DOCK7: variants seen among roughly 807,000 people sequenced by gnomAD.
DOCK7 encodes the protein dedicator of cytokinesis 7, also known as dedicator of cytokinesis protein 7.
DOCK7 carries 138 observed loss-of-function variants against 271.0 expected under a neutral mutation model. The ratio of observed to expected loss-of-function variants is 0.51; its 90% CI spans 0.44 to 0.59. The LOEUF is 0.59. Ranked by LOEUF, DOCK7 falls within the 20% of genes least tolerant of loss-of-function variation. The pLI is 0.00. For missense variants in DOCK7, 2,066 were observed against 2,592.4 expected (o/e 0.80, Z 4.41); for synonymous variants, 823 against 876.1 (o/e 0.94, Z 1.07).
chr1:62,587,299 T>TAAAAAAAAAAAAAAAAAAAAAAAAGAA (rs1647702536), intron 14 of DOCK7, among the ~76,000 whole-genome samples: 5 of 41,816 alleles, frequency 1.2e-4, no homozygotes, highest in Non-Finnish European at 2.7e-4. Context: ...ACCAAATAGC[T>TAAAAAAAAAAAAAAAAAAAAAAAAGAA]AAAAAAAAAA....
At position 62,600,976 on chromosome 1, in the gene DOCK7, C is replaced by T. The variant is rs919333784; in HGVS notation, c.1683-14352G>A. 8 of 726,258 alleles carry T rather than the reference C, an allele frequency of 1.1e-5. No individual in the cohort carries two copies. In the African/African-American group the frequency reaches 1.2e-4, roughly 11 times the overall value. The allele number at this position is 726,258 out of a possible 1,614,324, so 45.0% of individuals were successfully genotyped here. A position where few individuals can be genotyped will look rare whatever the true frequency, so the allele number is the denominator to read the frequency against. On this transcript the variant is annotated intron_variant, in intron 14 of 49. Transcript: ENST00000635253. ...ATCTAAATATCAAACACCGTTATAA[C>T]ATTATGAACTGAAAGACAAACTGTA...
intron 7 of DOCK7, among the ~76,000 whole-genome samples, chr1:62,645,272 T>C (rs1399839549): frequency 1.3e-5 from 2 of 151,780 alleles, no homozygotes; most frequent in African/African-American, 2.4e-5. Context: ...AGCCAAAAAG[T>C]GGAAGCAATC....
At position 62,495,698 on chromosome 1, in the gene DOCK7, T is replaced by A. The variant is rs1266749139; in HGVS notation, c.4924-17A>T. On this transcript the variant is annotated splice_polypyrimidine_tract_variant and intron_variant, in intron 38 of 49. Coordinates refer to ENST00000635253, the MANE Select transcript of DOCK7 (RefSeq NM_001367561.1). ...ATCCTGGACCTGCAGCAGAGAATTA[T>A]ATGAAAAACATTCTTGAATTGTCAT... The A allele has an allele frequency of 6.4e-7, 1 of 1,552,894 alleles. No homozygotes were observed. Among genetic ancestry groups the A allele is most frequent in the Non-Finnish European group, 8.7e-7 (1 of 1,151,324 alleles).
At chr1:62,648,957 T>C (rs1365972386) in intron 4 of DOCK7, among the ~76,000 whole-genome samples, 2 of 152,132 alleles carry the variant, frequency 1.3e-5, no homozygotes, top group Non-Finnish European at 2.9e-5. Context: ...AATCTTAAAA[T>C]TTCAAGTAGC....
At chr1:62,604,700 A>C (rs1206728389) in intron 14 of DOCK7, 2 of 1,613,262 alleles carry the variant, frequency 1.2e-6, no homozygotes, top group African/African-American at 2.7e-5. Context: ...AACCAAGAGC[A>C]AAATCTAAGC....
At chr1:62,496,274 A>T in intron 38 of DOCK7, 65 bp downstream of exon 38, 1 of 1,576,828 alleles carries the variant, frequency 6.3e-7, no homozygotes, top group South Asian at 1.2e-5. Flanking sequence ...TTGATTTAAC[A>T]ATTTGGAAAG....
chr1:62,658,397 T>C (rs1658281963), intron 2 of DOCK7, among the ~76,000 whole-genome samples: 1 of 151,846 alleles, frequency 6.6e-6, no homozygotes, highest in Admixed American at 6.6e-5. Context: ...GAGGCAGAGG[T>C]TGCAGTGAGT....
chr1:62,495,352 G>A (rs1646589969), intron 39 of DOCK7: 1 of 272,320 alleles, frequency 3.7e-6, no homozygotes, highest in African/African-American at 2.2e-5. Context: ...AGAACTTTGG[G>A]AGGCCAAGAC....
chr1:62,548,541 C>T (rs561710634), intron 22 of DOCK7, among the ~76,000 whole-genome samples: 1 of 152,096 alleles, frequency 6.6e-6, no homozygotes, highest in African/African-American at 2.4e-5. Context: ...CTGCCTCAGC[C>T]TCCTGAGTAG....
intron 42 of DOCK7, chr1:62,488,606 G>A: frequency 4.0e-6 from 1 of 250,936 alleles, no homozygotes; most frequent in South Asian, 4.7e-5. Flanking sequence ...CAAAGGAATA[G>A]GTATCAATTT....
intron 46 of DOCK7, 139 bp downstream of exon 46, chr1:62,475,568 T>C (rs1477138399): frequency 3.7e-6 from 4 of 1,077,232 alleles, no homozygotes; most frequent in South Asian, 1.6e-5. Flanking sequence ...AAGTAAAAAA[T>C]TGAGGACTCA....
chr1:62,670,993 G>A (rs895482251), intron 1 of DOCK7, among the ~76,000 whole-genome samples: 2 of 151,812 alleles, frequency 1.3e-5, no homozygotes, highest in East Asian at 1.9e-4. Context: ...TGAGCCCAGC[G>A]AGACCACGAG....
rs564800320 is a variant in DOCK7 at position 62,567,242 on chromosome 1, A to G, written c.2113-5539T>C. Among the ~76,000 whole-genome samples, 35 of 152,188 alleles carry G rather than the reference A, an allele frequency of 2.3e-4. 2 individuals carry two copies. The highest frequency in any genetic ancestry group is 1.0e-3 in the Admixed American group (16 of 15,278). ...AAATTATTCTACTATAAAGACACAT[A>G]CACACATATGTTTACTGCGGCACTA... On this transcript the variant is annotated intron_variant, in intron 18 of 49. Transcript: ENST00000635253.
chr1:62,609,521 T>A (rs532972798), intron 14 of DOCK7: 1 of 152,234 alleles, frequency 6.6e-6, no homozygotes, highest in Non-Finnish European at 1.5e-5. Context: ...TCAAGCCAGA[T>A]AATGTATTTG....
intron 17 of DOCK7, among the ~76,000 whole-genome samples, chr1:62,578,450 T>G (rs1022268566): frequency 3.3e-5 from 5 of 151,820 alleles, no homozygotes; most frequent in Admixed American, 3.3e-4. Context: ...CCAGGCGCCA[T>G]GGCTCACGCC....
chr1:62,622,208 A>G (rs535034401), intron 12 of DOCK7, among the ~76,000 whole-genome samples: 8 of 152,340 alleles, frequency 5.3e-5, no homozygotes, highest in African/African-American at 1.9e-4. Context: ...CTGTCTTCCC[A>G]GTAGAAGTCA....
At chr1:62,568,059 T>C (rs1646581246) in intron 18 of DOCK7, among the ~76,000 whole-genome samples, 1 of 152,070 alleles carries the variant, frequency 6.6e-6, no homozygotes, top group Non-Finnish European at 1.5e-5. Flanking sequence ...AAACAGTCTC[T>C]CAGACCACAG....
intron 1 of DOCK7, among the ~76,000 whole-genome samples, chr1:62,667,001 T>G (rs1056338519): frequency 6.6e-6 from 1 of 152,214 alleles, no homozygotes; most frequent in South Asian, 2.1e-4. Context: ...CCATTCATTA[T>G]ATGATGTTGG....
chr1:62,528,337 A>T lies in DOCK7; in HGVS notation c.3782-32T>A, dbSNP rs770108902. On this transcript the variant is annotated intron_variant, in intron 30 of 49. Coordinates refer to ENST00000635253, the MANE Select transcript of DOCK7 (RefSeq NM_001367561.1). ...AAAAATAATCCAAAAAAATAAATAA[A>T]ACTGTTTAGCTGAACTAATTCCCTT... The T allele has an allele frequency of 7.6e-6, 12 of 1,571,040 alleles. No homozygotes were observed. In the South Asian group the frequency reaches 1.2e-4, roughly 15 times the overall value.
Sources: gnomAD v4.1 joint callset for allele counts (sites outside exome capture counted in the v4.1 genomes callset) on GRCh38, gnomAD v4.1.1 for gene constraint, MANE v1.5 for transcripts, NCBI Gene and HGNC (gene_info 2026-07-23, HGNC 2026-07-21) for gene names.